MAD1L1: variants seen among roughly 807,000 people sequenced by gnomAD.
MAD1L1 encodes the protein mitotic spindle assembly checkpoint protein MAD1.
MAD1L1 carries 95 observed loss-of-function variants against 96.9 expected under a neutral mutation model. The observed-to-expected ratio is 0.98, with a 90% CI of 0.83 to 1.16. The LOEUF is 1.16. Ranked by LOEUF, MAD1L1 falls within the 50% of genes most tolerant of loss-of-function variation. The pLI is 0.00. For missense variants in MAD1L1, 1,007 were observed against 954.4 expected, an observed-to-expected ratio of 1.06 and a Z score of -0.73; for synonymous variants, 473 against 396.6, an observed-to-expected ratio of 1.19 and a Z score of -2.29.
At chr7:1,886,073 C>G (rs1786003705) in intron 18 of MAD1L1, among the ~76,000 whole-genome samples, 1 of 152,224 alleles carries the variant, frequency 6.6e-6, no homozygotes, top group Admixed American at 6.5e-5. Context: ...CAGCCTCATC[C>G]CAGCAACCTG....
At chr7:1,820,157 G>C (rs769428835) in intron 18 of MAD1L1, among the ~76,000 whole-genome samples, 1 of 152,078 alleles carries the variant, frequency 6.6e-6, no homozygotes, top group Non-Finnish European at 1.5e-5. Context: ...TAAGTGCCTG[G>C]AAATTAAACA....
At chr7:2,155,796 T>A (rs1377161470) in intron 10 of MAD1L1, among the ~76,000 whole-genome samples, 4 of 152,238 alleles carry the variant, frequency 2.6e-5, no homozygotes, top group Non-Finnish European at 5.9e-5. Context: ...AAACGCTGCT[T>A]TTAATGATCT....
chr7:1,939,884 C>T (rs1031452772), intron 16 of MAD1L1, among the ~76,000 whole-genome samples: 4 of 152,254 alleles, frequency 2.6e-5, no homozygotes. Flanking sequence ...TGGAGCTCAT[C>T]AGCCATGGGC....
intron 12 of MAD1L1, among the ~76,000 whole-genome samples, chr7:2,053,248 G>T (rs972174597): frequency 6.6e-6 from 1 of 152,210 alleles, no homozygotes; most frequent in Non-Finnish European, 1.5e-5. Context: ...CGGTGAGTTT[G>T]GGGGCCGCGG....
At chr7:2,148,597 C>T (rs911709287) in intron 11 of MAD1L1, 1 of 152,508 alleles carries the variant, frequency 6.6e-6, no homozygotes, top group East Asian at 1.9e-4. Context: ...GCCTGGATGG[C>T]CCCTCACAGC....
chr7:2,204,351 G>A (rs939814203), intron 10 of MAD1L1, among the ~76,000 whole-genome samples: 1 of 152,136 alleles, frequency 6.6e-6, no homozygotes, highest in African/African-American at 2.4e-5. Flanking sequence ...TATGATCTGC[G>A]CACGTGAACA....
intron 15 of MAD1L1, among the ~76,000 whole-genome samples, chr7:1,957,934 C>A (rs1779796925): frequency 6.6e-6 from 1 of 152,258 alleles, no homozygotes; most frequent in Non-Finnish European, 1.5e-5. Context: ...GTGGCGGCCC[C>A]TGCTCAGCTG....
intron 18 of MAD1L1, among the ~76,000 whole-genome samples, chr7:1,834,074 A>G (rs1167028647): frequency 6.6e-6 from 1 of 152,258 alleles, no homozygotes; most frequent in Non-Finnish European, 1.5e-5. Context: ...ACACTTCTAA[A>G]TAACCCATAC....
Position 1,854,305 on chromosome 7 carries a change from G to A in MAD1L1, c.1999-38077C>T, listed in dbSNP as rs116005354. The stretch of plus-strand genomic sequence containing the variant: ...CTGAGACTGCCCCAGCCCCAGCAGC[G>A]AGCGGACGTCCTGGGCCCCGGCAGC... On this transcript the variant is annotated intron_variant, in intron 18 of 18. Coordinates refer to ENST00000265854, the MANE Select transcript of MAD1L1 (RefSeq NM_001013836.2). The A allele has an allele frequency of 4.0e-3, 1,784 of 448,080 alleles. 31 individuals are homozygous for A. Among genetic ancestry groups the A allele is most frequent in the African/African-American group, 0.032 (1,576 of 49,924 alleles). The allele number at this position is 448,080 out of a possible 1,614,324, so 27.8% of individuals were successfully genotyped here. A position where few individuals can be genotyped will look rare whatever the true frequency, so the allele number is the denominator to read the frequency against.
At chr7:2,134,123 T>C (rs758780053) in intron 11 of MAD1L1, among the ~76,000 whole-genome samples, 10 of 152,224 alleles carry the variant, frequency 6.6e-5, no homozygotes, top group African/African-American at 1.7e-4. Flanking sequence ...TGATAATATA[T>C]TGACTCCTCC....
Position 2,188,658 on chromosome 7 carries a change from T to G in MAD1L1, c.986+24554A>C, listed in dbSNP as rs1250660387. ...CATGCAAAAGAATGAAGTTGGGCCC[T>G]TAAACCATACACAAAAAATTAACCC... On this transcript the variant is annotated intron_variant, in intron 10 of 18. Coordinates refer to ENST00000265854, the MANE Select transcript of MAD1L1 (RefSeq NM_001013836.2). 2.0e-5 allele frequency among the ~76,000 whole-genome samples: 3 copies of G among 152,168 alleles called. No homozygotes were observed. In the East Asian group the frequency reaches 5.8e-4, roughly 29 times the overall value.
At chr7:1,870,788 C>T (rs1273584987) in intron 18 of MAD1L1, among the ~76,000 whole-genome samples, 7 of 122,418 alleles carry the variant, frequency 5.7e-5, no homozygotes, top group Admixed American at 4.2e-4. Context: ...ACACCTGCCA[C>T]GCTGAACCCA....
At chr7:1,886,225 G>A (rs1224280474) in intron 18 of MAD1L1, among the ~76,000 whole-genome samples, 1 of 152,208 alleles carries the variant, frequency 6.6e-6, no homozygotes, top group Non-Finnish European at 1.5e-5. Flanking sequence ...TCCTCTGGGG[G>A]TAAGTACCCC....
chr7:1,986,074 G>C (rs759797882), intron 14 of MAD1L1, among the ~76,000 whole-genome samples: 2 of 152,156 alleles, frequency 1.3e-5, no homozygotes, highest in Non-Finnish European at 2.9e-5. Flanking sequence ...CTGAAGATGA[G>C]TTTTATTGAA....
At chr7:1,971,845 G>A (rs965096719) in intron 15 of MAD1L1, among the ~76,000 whole-genome samples, 5 of 152,164 alleles carry the variant, frequency 3.3e-5, no homozygotes, top group Admixed American at 6.5e-5. Flanking sequence ...CCCAGGTTCA[G>A]GGATACCCAC....
chr7:2,116,384 G>C (rs146459787), intron 11 of MAD1L1, among the ~76,000 whole-genome samples: 1 of 152,208 alleles, frequency 6.6e-6, no homozygotes, highest in Non-Finnish European at 1.5e-5. Flanking sequence ...CTTCCTGAAC[G>C]GGAGCGACAA....
rs11972848 is a variant in MAD1L1 at position 1,837,781 on chromosome 7, G to A, written c.1999-21553C>T. On this transcript the variant is annotated intron_variant, in intron 18 of 18. Transcript: ENST00000265854. ...AAGGATCAGTGGCTGCCTGGGGTCG[G>A]GTTGCAGTGGGAGGGGCAAGGCAGG... is the stretch of plus-strand genomic sequence containing the variant. 5.5e-3 allele frequency among the ~76,000 whole-genome samples: 839 copies of A among 152,370 alleles called. 9 individuals carry two copies. Among genetic ancestry groups the A allele is most frequent in the African/African-American group, 0.019 (795 of 41,586 alleles).
chr7:2,012,618 A>T (rs1782354043), intron 13 of MAD1L1, among the ~76,000 whole-genome samples: 1 of 152,220 alleles, frequency 6.6e-6, no homozygotes, highest in Non-Finnish European at 1.5e-5. Flanking sequence ...CAGAGGGGGC[A>T]GGGCATCAGA....
At chr7:2,224,651 C>G (rs1793787266) in intron 4 of MAD1L1, among the ~76,000 whole-genome samples, 1 of 152,182 alleles carries the variant, frequency 6.6e-6, no homozygotes, top group South Asian at 2.1e-4. Flanking sequence ...GGCACGGAGG[C>G]CAGGGAGACT....
Sources: gnomAD v4.1 joint callset for allele counts (sites outside exome capture counted in the v4.1 genomes callset) on GRCh38, gnomAD v4.1.1 for gene constraint, MANE v1.5 for transcripts, NCBI Gene and HGNC (gene_info 2026-07-23, HGNC 2026-07-21) for gene names.